Variants in ADAMTS19 observed in about 807,000 individuals in gnomAD.
ADAMTS19 encodes the protein ADAM metallopeptidase with thrombospondin type 1 motif 19.
In ADAMTS19, 93 loss-of-function variants were observed where a neutral mutation model predicts 153.3. The observed-to-expected ratio is 0.61, with a 90% CI of 0.51 to 0.72. ADAMTS19 has a LOEUF of 0.72. Among genes scored for constraint, ADAMTS19 ranks in the 30% least tolerant of loss-of-function variants. The probability of loss-of-function intolerance (pLI) is 0.00; values close to 1 mark genes in which losing one functional copy is unlikely to be tolerated. For synonymous variants in ADAMTS19, 600 were observed against 556.6 expected, an observed-to-expected ratio of 1.08 and a Z score of -1.10; for missense variants, 1,482 against 1,552.1, an observed-to-expected ratio of 0.95 and a Z score of 0.76.
At chr5:129,675,971 T>C (rs1045760867) in intron 16 of ADAMTS19, among the ~76,000 whole-genome samples, 1 of 152,106 alleles carries the variant, frequency 6.6e-6, no homozygotes, top group African/African-American at 2.4e-5. Context: ...GAGGTTGCAA[T>C]GACCTCTGCA....
At chr5:129,548,314 C>G (rs367822137) in intron 6 of ADAMTS19, among the ~76,000 whole-genome samples, 7 of 137,822 alleles carry the variant, frequency 5.1e-5, no homozygotes, top group East Asian at 2.1e-4. Context: ...ACAATGAATT[C>G]AAACAAATTT....
At chr5:129,580,246 T>C (rs1321855048) in intron 7 of ADAMTS19, among the ~76,000 whole-genome samples, 2 of 152,182 alleles carry the variant, frequency 1.3e-5, no homozygotes, top group Admixed American at 6.5e-5. Context: ...TCATCTGTTA[T>C]TGGTGTAGAG....
intron 6 of ADAMTS19, among the ~76,000 whole-genome samples, chr5:129,549,339 CT>C (rs1752982128): frequency 6.6e-6 from 1 of 151,308 alleles, no homozygotes; most frequent in Non-Finnish European, 1.5e-5. Context: ...ACTATGTGTT[CT>C]TTATAAGAGA....
intron 7 of ADAMTS19, among the ~76,000 whole-genome samples, chr5:129,557,048 G>C (rs1344929426): frequency 6.6e-6 from 1 of 151,988 alleles, no homozygotes; most frequent in Non-Finnish European, 1.5e-5. Flanking sequence ...AAAGAAACGT[G>C]GTGATTTCAA....
Position 129,546,013 on chromosome 5 carries a change from T to A in ADAMTS19, c.1329-5851T>A, listed in dbSNP as rs1403911184. ...AATGTCCAACAATGATAGACTGGAT[T>A]AAGAGAATGTGGCACATATACACCA... is the stretch of plus-strand genomic sequence containing the variant. On this transcript the variant is annotated intron_variant, in intron 6 of 22. Coordinates refer to ENST00000274487, the MANE Select transcript of ADAMTS19 (RefSeq NM_133638.6). 7.4e-5 allele frequency among the ~76,000 whole-genome samples: 11 copies of A among 148,906 alleles called. No homozygotes were observed. In the East Asian group the frequency reaches 2.1e-3, roughly 29 times the overall value.
chr5:129,638,744 T>C (rs1287870946), intron 10 of ADAMTS19, among the ~76,000 whole-genome samples: 2 of 152,170 alleles, frequency 1.3e-5, no homozygotes, highest in African/African-American at 2.4e-5. Flanking sequence ...AAGAAGGTAG[T>C]TATATGTCCA....
chr5:129,664,441 G>A (rs555489230), intron 15 of ADAMTS19, among the ~76,000 whole-genome samples: 16 of 152,230 alleles, frequency 1.1e-4, no homozygotes, highest in African/African-American at 2.9e-4. Context: ...ATGGCTTAGT[G>A]TTGCTGAAAT....
chr5:129,622,634 A>G (rs1751832007), intron 10 of ADAMTS19, among the ~76,000 whole-genome samples: 1 of 152,176 alleles, frequency 6.6e-6, no homozygotes, highest in Non-Finnish European at 1.5e-5. Context: ...CAATGCTTCT[A>G]TTTTAAATCC....
intron 2 of ADAMTS19, among the ~76,000 whole-genome samples, chr5:129,465,309 T>TTTG (rs529781966): frequency 6.6e-6 from 1 of 151,132 alleles, no homozygotes; most frequent in African/African-American, 2.5e-5. Flanking sequence ...ACACAATGTT[T>TTTG]TTTTTTTTTT....
At chr5:129,579,992 TG>T (rs1749429729) in intron 7 of ADAMTS19, among the ~76,000 whole-genome samples, 2 of 152,344 alleles carry the variant, frequency 1.3e-5, no homozygotes, top group Middle Eastern at 3.4e-3. Flanking sequence ...GGTAGCTTGA[TG>T]GGGATAGCAT....
At chr5:129,564,050 G>C (rs1445415385) in intron 7 of ADAMTS19, among the ~76,000 whole-genome samples, 1 of 151,970 alleles carries the variant, frequency 6.6e-6, no homozygotes, top group Non-Finnish European at 1.5e-5. Context: ...CTCCCCCTTA[G>C]CTGGCATTAC....
At chr5:129,635,135 G>A (rs574997631) in intron 10 of ADAMTS19, among the ~76,000 whole-genome samples, 1 of 152,258 alleles carries the variant, frequency 6.6e-6, no homozygotes, top group African/African-American at 2.4e-5. Flanking sequence ...TTCAAAAGAA[G>A]ACATACATGC....
At chr5:129,536,382 G>T (rs983145332) in intron 6 of ADAMTS19, among the ~76,000 whole-genome samples, 1 of 152,170 alleles carries the variant, frequency 6.6e-6, no homozygotes, top group African/African-American at 2.4e-5. Context: ...ACACCAGTTA[G>T]AATGGCAATC....
chr5:129,673,452 G>C (rs951361901), intron 16 of ADAMTS19, among the ~76,000 whole-genome samples: 1 of 151,892 alleles, frequency 6.6e-6, no homozygotes, highest in Non-Finnish European at 1.5e-5. Context: ...AATTTTTTTA[G>C]TTTTTAAAAT....
intron 2 of ADAMTS19, among the ~76,000 whole-genome samples, chr5:129,492,525 G>T (rs1750800865): frequency 6.6e-6 from 1 of 151,850 alleles, no homozygotes; most frequent in South Asian, 2.1e-4. Context: ...GTGTGTGTGT[G>T]TGTGTGTATG....
At chr5:129,566,796 A>G (rs1753732260) in intron 7 of ADAMTS19, among the ~76,000 whole-genome samples, 2 of 152,150 alleles carry the variant, frequency 1.3e-5, no homozygotes, top group Admixed American at 1.3e-4. Context: ...AGTGGCAGGA[A>G]GATGAGCCAT....
chr5:129,688,952 T>G (rs1383970644), intron 18 of ADAMTS19, among the ~76,000 whole-genome samples: 1 of 152,220 alleles, frequency 6.6e-6, no homozygotes, highest in Admixed American at 6.5e-5. Flanking sequence ...ATTGAAGACC[T>G]GTTTTAAGTG....
intron 19 of ADAMTS19, among the ~76,000 whole-genome samples, chr5:129,695,188 G>A (rs542547339): frequency 9.9e-5 from 15 of 152,128 alleles, no homozygotes; most frequent in African/African-American, 1.4e-4. Flanking sequence ...TCTCCAAAAC[G>A]GTGTGTTAGA....
At chr5:129,522,939 C>T (rs919832855) in intron 3 of ADAMTS19, among the ~76,000 whole-genome samples, 9 of 151,814 alleles carry the variant, frequency 5.9e-5, no homozygotes, top group African/African-American at 1.9e-4. Context: ...GCCTGTAATC[C>T]CAGCCACTTG....
Sources: allele counts gnomAD v4.1 joint callset (sites outside exome capture counted in the v4.1 genomes callset), GRCh38; gene constraint gnomAD v4.1.1; transcripts MANE v1.5; gene names NCBI Gene and HGNC (gene_info 2026-07-23, HGNC 2026-07-21).